Variants in DLG2 observed in about 807,000 individuals in gnomAD.
The protein encoded by DLG2 is disks large homolog 2.
Under a neutral mutation model 132.5 loss-of-function variants are expected in DLG2, and 45 were observed. The observed-to-expected ratio is 0.34, with a 90% CI of 0.27 to 0.44. DLG2 has a LOEUF of 0.44. DLG2 is among the 20% of genes least tolerant of loss of function. The pLI is 1.00. For missense variants in DLG2, 1,045 were observed against 1,196.9 expected (o/e 0.87, Z 1.87); for synonymous variants, 424 against 419.6 (o/e 1.01, Z -0.13).
intron 9 of DLG2, among the ~76,000 whole-genome samples, chr11:84,157,078 A>T (rs926951044): frequency 1.2e-4 from 18 of 152,268 alleles, no homozygotes; most frequent in African/African-American, 4.3e-4. Context: ...TGACAGGAAT[A>T]AAAAAACAGG....
chr11:83,919,257 A>G (rs952102458), intron 15 of DLG2, among the ~76,000 whole-genome samples: 5 of 152,176 alleles, frequency 3.3e-5, no homozygotes, highest in Non-Finnish European at 4.4e-5. Flanking sequence ...TAGGGTCTAC[A>G]GGTACCATAG....
intron 6 of DLG2, among the ~76,000 whole-genome samples, chr11:84,838,706 G>A (rs993079826): frequency 3.3e-4 from 50 of 151,962 alleles, no homozygotes; most frequent in Non-Finnish European, 6.8e-4. Context: ...ATCAACAAAC[G>A]TAATCCATCA....
chr11:85,611,032 T>G (rs1475119032), intron 2 of DLG2, among the ~76,000 whole-genome samples: 2 of 152,156 alleles, frequency 1.3e-5, no homozygotes, highest in Non-Finnish European at 2.9e-5. Context: ...CTAGTACAAC[T>G]CCAGCTTTAA....
intron 3 of DLG2, among the ~76,000 whole-genome samples, chr11:85,592,548 T>C (rs577108232): frequency 1.3e-5 from 2 of 152,336 alleles, no homozygotes; most frequent in East Asian, 3.9e-4. Flanking sequence ...TGTAACAGAA[T>C]TCTATCCATA....
chr11:85,408,378 TTG>T (rs1275998369), intron 3 of DLG2, among the ~76,000 whole-genome samples: 3 of 150,880 alleles, frequency 2.0e-5, no homozygotes, highest in Non-Finnish European at 4.4e-5. Flanking sequence ...GTAAATTGTT[TTG>T]TACTATTATT....
At chr11:85,225,090 T>G (rs2152623621) in intron 4 of DLG2, among the ~76,000 whole-genome samples, 1 of 152,256 alleles carries the variant, frequency 6.6e-6, no homozygotes, top group Non-Finnish European at 1.5e-5. Flanking sequence ...AGGCTTTAAA[T>G]TTAGTGGAAA....
chr11:84,719,285 T>G (rs1197469373), intron 6 of DLG2, among the ~76,000 whole-genome samples: 1 of 152,204 alleles, frequency 6.6e-6, no homozygotes, highest in Non-Finnish European at 1.5e-5. Flanking sequence ...AAAATAGGAA[T>G]TATGTGATAT....
intron 6 of DLG2, among the ~76,000 whole-genome samples, chr11:84,706,960 G>C (rs7942057): frequency 3.3e-5 from 5 of 151,568 alleles, no homozygotes; most frequent in African/African-American, 1.2e-4. Flanking sequence ...ATATTTAAGG[G>C]AGACTTGTAC....
intron 6 of DLG2, among the ~76,000 whole-genome samples, chr11:84,721,980 A>AT (rs1178720839): frequency 4.6e-5 from 7 of 152,090 alleles, no homozygotes; most frequent in South Asian, 2.1e-4. Flanking sequence ...TATTTGACAT[A>AT]TTTTTTTTCT....
At chr11:84,280,155 A>G (rs550358894) in intron 7 of DLG2, among the ~76,000 whole-genome samples, 1 of 152,358 alleles carries the variant, frequency 6.6e-6, no homozygotes, top group East Asian at 1.9e-4. Context: ...TAGAATCTTT[A>G]GCAAATTTAA....
rs538073709 is a variant in DLG2 at position 84,775,521 on chromosome 11, G to T, written c.358-240790C>A. On this transcript the variant is annotated intron_variant, in intron 6 of 27. Transcript: ENST00000376104. The stretch of plus-strand genomic sequence containing the variant: ...TAGCAAAAACATGGAATAAACTTAA[G>T]TGTCCATCAATGCCGGACTGGATAA... 8.5e-5 allele frequency among the ~76,000 whole-genome samples: 13 copies of T among 152,204 alleles called. No homozygotes were observed. The South Asian group carries it at 2.7e-3, about 32-fold the overall frequency.
intron 6 of DLG2, among the ~76,000 whole-genome samples, chr11:84,865,994 C>G (rs1164792325): frequency 6.6e-6 from 1 of 152,194 alleles, no homozygotes; most frequent in African/African-American, 2.4e-5. Flanking sequence ...TTCTCAGCAG[C>G]AAGAAATATG....
chr11:83,481,043 G>C (rs559359496), intron 22 of DLG2, among the ~76,000 whole-genome samples: 1 of 152,080 alleles, frequency 6.6e-6, no homozygotes, highest in Admixed American at 6.6e-5. Context: ...TTACGAATCA[G>C]CTCAATAGTT....
intron 7 of DLG2, among the ~76,000 whole-genome samples, chr11:84,352,752 C>T (rs1324742528): frequency 1.3e-5 from 2 of 152,068 alleles, no homozygotes; most frequent in Non-Finnish European, 2.9e-5. Context: ...TAATATGCCA[C>T]CTGGCAACTG....
chr11:83,791,398 T>C (rs2041517224), intron 17 of DLG2: 2 of 677,384 alleles, frequency 3.0e-6, no homozygotes, highest in Non-Finnish European at 5.4e-6. Context: ...TCCACCTTTT[T>C]CGTCTTTCCT....
intron 7 of DLG2, among the ~76,000 whole-genome samples, chr11:84,359,359 A>G (rs1478634466): frequency 6.6e-6 from 1 of 151,934 alleles, no homozygotes; most frequent in African/African-American, 2.4e-5. Flanking sequence ...CATCTCTGCT[A>G]GACGAATTAA....
At chr11:83,544,312 T>C (rs1397813092) in intron 19 of DLG2, among the ~76,000 whole-genome samples, 2 of 152,194 alleles carry the variant, frequency 1.3e-5, no homozygotes, top group Non-Finnish European at 2.9e-5. Context: ...GTCATCAACC[T>C]GGGAGTTGTC....
At chr11:85,332,219 A>T (rs1166391653) in intron 3 of DLG2, among the ~76,000 whole-genome samples, 3 of 152,208 alleles carry the variant, frequency 2.0e-5, no homozygotes, top group African/African-American at 4.8e-5. Context: ...ATGATTAGTG[A>T]TAATAAACAT....
rs374744525 is a variant in DLG2, at chr11:83,516,820, A to G, written c.2193+15888T>C. Among the ~76,000 whole-genome samples the G allele has an allele frequency of 5.4e-3, 828 of 152,218 alleles. 5 individuals carry two copies. The highest frequency in any genetic ancestry group is 9.0e-3 in the Non-Finnish European group (614 of 68,012). On this transcript the variant is annotated intron_variant, in intron 21 of 27. Transcript: ENST00000376104. ...GCTGGATATGAAATTCTGGGTTGAAAATTCTTTTCTTTAATAATGTTGAAT... is the reference window on the plus strand; with the variant it reads ...GCTGGATATGAAATTCTGGGTTGAAGATTCTTTTCTTTAATAATGTTGAAT...
Sources: allele counts gnomAD v4.1 joint callset (sites outside exome capture counted in the v4.1 genomes callset), GRCh38; gene constraint gnomAD v4.1.1; transcripts MANE v1.5; gene names NCBI Gene and HGNC (gene_info 2026-07-23, HGNC 2026-07-21).